Variants in GPR179 observed in about 807,000 individuals in gnomAD.
GPR179 encodes probable G protein-coupled receptor 179.
GPR179 carries 52 observed loss-of-function variants against 70.8 expected under a neutral mutation model. That is an observed-to-expected ratio of 0.73 (90% CI 0.59 to 0.93). The LOEUF (loss-of-function observed/expected upper bound fraction) is 0.93. Ranked by LOEUF, GPR179 falls within the 40% of genes least tolerant of loss-of-function variation. The pLI, the probability that GPR179 is intolerant of heterozygous loss-of-function variation, is 0.00. For synonymous variants in GPR179, 1,123 were observed against 1,169.0 expected, an observed-to-expected ratio of 0.96 and a Z score of 0.80; for missense variants, 2,734 against 2,966.8, an observed-to-expected ratio of 0.92 and a Z score of 1.82.
rs1209837723 is a variant in GPR179, at chr17:38,324,830, C to A, written c.*1635G>T. Among the ~76,000 whole-genome samples the A allele has an allele frequency of 2.0e-5, 3 of 152,182 alleles. No homozygotes were observed. Among genetic ancestry groups the A allele is most frequent in the African/African-American group, 7.2e-5 (3 of 41,440 alleles). Reference sequence around the variant, plus strand: ...TAAGAGAATGAGGACATCTGGTCCCCAAAGGAGAGTAGGTTACTCCATTCC... The same window carrying A: ...TAAGAGAATGAGGACATCTGGTCCCAAAAGGAGAGTAGGTTACTCCATTCC... On this transcript the variant is annotated 3_prime_UTR_variant, in exon 11 of 11. Coordinates refer to ENST00000616987, the MANE Select transcript of GPR179 (RefSeq NM_001004334.4).
Position 38,326,938 on chromosome 17 carries a change from C to G in GPR179, c.6631G>C (p.Ala2211Pro), listed in dbSNP as rs757224017. 6 of 1,614,044 alleles carry G rather than the reference C, an allele frequency of 3.7e-6. No individual in the cohort carries two copies. Among genetic ancestry groups the G allele is most frequent in the Non-Finnish European group, 5.1e-6 (6 of 1,180,048 alleles). The change falls in exon 11 of 11, where the codon GCA (alanine) becomes CCA (proline). Residue 2211 changes from alanine to proline, a missense_variant. Physicochemically the swap from Ala to Pro is conservative, Grantham distance 27. Coordinates refer to ENST00000616987, the MANE Select transcript of GPR179 (RefSeq NM_001004334.4). Reference protein sequence around the residue: ...DPELKVSPKEAGSMGSRMAEL... With the variant: ...DPELKVSPKEPGSMGSRMAEL... ...GCCATCCTGCTTCCCATGCTGCCTG[C>G]TTCCTTGGGGCTGACTTTGAGTTCT...
chr17:38,328,834 T>A lies in GPR179; in HGVS notation c.4735A>T (p.Arg1579Trp), dbSNP rs757675616. ...ATQVCPQEDL[R>W]PEAQEATPAK... ...GGTGTTGCTTCCTGTGCCTCCGGCC[T>A]GAGATCTTCCTGTGGACACACCTGC... Residue 1579 changes from arginine (R) to tryptophan (W), a missense_variant, in exon 11 of 11, where the codon AGG becomes TGG. Physicochemically the swap from Arg to Trp is moderately radical, Grantham distance 101. Coordinates refer to ENST00000616987, the MANE Select transcript of GPR179 (RefSeq NM_001004334.4). The A allele has an allele frequency of 6.2e-7, 1 of 1,611,422 alleles. No homozygotes were observed. The highest frequency in any genetic ancestry group is 1.3e-5 in the African/African-American group (1 of 74,374).
rs2037462023 is a variant in GPR179 at position 38,343,024 on chromosome 17, G to A, written c.766C>T (p.Leu256Phe). The change falls in exon 1 of 11, where the codon CTC becomes TTC. Residue 256 changes from leucine (L) to phenylalanine (F), a missense_variant. Leu to Phe is a conservative substitution (Grantham distance 22). Coordinates refer to ENST00000616987, the MANE Select transcript of GPR179 (RefSeq NM_001004334.4). The surrounding 1 kb of genome is among the most constrained non-coding windows in gnomAD (Gnocchi z 4.2). Reference protein sequence around the residue: ...LITLSATFYGLKPDLSPEVRG... With the variant: ...LITLSATFYGFKPDLSPEVRG... The stretch of plus-strand genomic sequence containing the variant: ...ACTTCTGGGCTGAGGTCTGGCTTGA[G>A]TCCATAGAAGGTGGCAGAGAGTGTG... 1.2e-6 allele frequency: 2 copies of A among 1,611,896 alleles called. No homozygotes were observed. Among genetic ancestry groups the A allele is most frequent in the Non-Finnish European group, 1.7e-6 (2 of 1,178,846 alleles).
chr17:38,337,504 A>C (rs2144273691), intron 3 of GPR179, 129 bp downstream of exon 3: 1 of 827,590 alleles, frequency 1.2e-6, no homozygotes, highest in East Asian at 2.6e-5. Context: ...TGCCTCTCTC[A>C]ACCTTCTGCC....
chr17:38,337,605 A>G, intron 3 of GPR179, 28 bp downstream of exon 3: 1 of 1,585,106 alleles, frequency 6.3e-7, no homozygotes, highest in Non-Finnish European at 8.6e-7. Flanking sequence ...TGTAAAACAC[A>G]TGCCTGGCCC....
In GPR179 at chr17:38,326,117, C is replaced by G. The variant is rs2037283183; in HGVS notation, c.*348G>C. 4.0e-6 allele frequency: 1 copy of G among 249,876 alleles called. No individual in the cohort carries two copies. The highest frequency in any genetic ancestry group is 7.9e-5 in the East Asian group (1 of 12,596). 15.5% of individuals were successfully genotyped at this position (249,876 alleles called of 1,614,324 possible). On this transcript the variant is annotated 3_prime_UTR_variant, in exon 11 of 11. Coordinates refer to ENST00000616987, the MANE Select transcript of GPR179 (RefSeq NM_001004334.4). ...GAGAAGGTAGGCTGGGCACAACTGA[C>G]TTTTTTCATCCCTAACAGTGGCTTT...
In GPR179 at chr17:38,343,203, G is replaced by C; in HGVS notation, c.587C>G (p.Ala196Gly). Residue 196 changes from alanine to glycine, a missense_variant, in exon 1 of 11, where the codon GCC (alanine) becomes GGC (glycine). By Grantham distance (60) the Ala-to-Gly change is moderately conservative (BLOSUM62 0). Coordinates refer to ENST00000616987, the MANE Select transcript of GPR179 (RefSeq NM_001004334.4). This position sits in a 1 kb window ranked among gnomAD's most constrained non-coding sequence, Gnocchi z 4.2. ...ENPPGDLDTP[A>G]LKKRVLTNDL... ...ATTGGTCAACACTCGCTTCTTCAGG[G>C]CAGGGGTGTCCAGGTCCCCAGGAGG... 1 of 1,614,098 alleles carries C rather than the reference G, an allele frequency of 6.2e-7. No individual in the cohort carries two copies. The highest frequency in any genetic ancestry group is 1.1e-5 in the South Asian group (1 of 91,082).
chr17:38,326,584 T>A lies in GPR179; in HGVS notation c.6985A>T (p.Ser2329Cys). Reference sequence around the variant, plus strand: ...GACTGAGACTCAGCTTCCTGGAGACTTGGCTCTGGGGCTAAGCTGGTCCTT... The same window carrying A: ...GACTGAGACTCAGCTTCCTGGAGACATGGCTCTGGGGCTAAGCTGGTCCTT... ...EPRTSLAPEPSLQEAESQSSS... is the reference protein window; with the variant it reads ...EPRTSLAPEPCLQEAESQSSS... The change falls in exon 11 of 11, where the codon AGT (serine) becomes TGT (cysteine). Residue 2329 changes from serine (S) to cysteine (C), a missense_variant. Physicochemically the swap from Ser to Cys is moderately radical, Grantham distance 112. Coordinates refer to ENST00000616987, the MANE Select transcript of GPR179 (RefSeq NM_001004334.4). The A allele has an allele frequency of 6.2e-7, 1 of 1,614,244 alleles. No individual in the cohort carries two copies. The highest frequency in any genetic ancestry group is 8.5e-7 in the Non-Finnish European group (1 of 1,180,038).
intron 2 of GPR179, 57 bp downstream of exon 2, chr17:38,339,360 G>T: frequency 1.8e-6 from 2 of 1,110,726 alleles, no homozygotes; most frequent in South Asian, 1.3e-5. Context: ...TGGCGGTGAT[G>T]GGAAAAGGGG....
Position 38,327,183 on chromosome 17 carries a change from T to G in GPR179, c.6386A>C (p.Glu2129Ala). Residue 2129 changes from glutamate to alanine, a missense_variant, in exon 11 of 11, where the codon GAG becomes GCG. Transcript: ENST00000616987. ...TCCACCCGCCTCCCAAGGGCAGATCTCTGCTTTCTTGGCAGAGGGAGCCTC... is the reference window on the plus strand; with the variant it reads ...TCCACCCGCCTCCCAAGGGCAGATCGCTGCTTTCTTGGCAGAGGGAGCCTC... Reference protein sequence around the residue: ...VVEAPSAKKAEICPWEAGGGA... With the variant: ...VVEAPSAKKAAICPWEAGGGA... 6.2e-7 allele frequency: 1 copy of G among 1,614,250 alleles called. No homozygotes were observed. Among genetic ancestry groups the G allele is most frequent in the Non-Finnish European group, 8.5e-7 (1 of 1,180,052 alleles).
intron 1 of GPR179, among the ~76,000 whole-genome samples, chr17:38,342,334 C>CT (rs10681391): frequency 0.045 from 6,305 of 139,212 alleles, 443 homozygotes; most frequent in African/African-American, 0.15. Flanking sequence ...ACTGACACAT[C>CT]TTTTTTTTTT....
rs368847698 is a variant in GPR179, at chr17:38,330,730, C to G, written c.2839G>C (p.Gly947Arg). The change falls in exon 11 of 11, where the codon GGC (glycine) becomes CGC (arginine). Residue 947 changes from glycine (G) to arginine (R), a missense_variant. Gly to Arg is a moderately radical substitution (Grantham distance 125). Transcript: ENST00000616987. ...VSTPILALSGGLGEPRMLSPT... is the reference protein window; with the variant it reads ...VSTPILALSGRLGEPRMLSPT... ...GATAGCATCCTTGGCTCTCCCAGGC[C>G]CCCAGACAGGGCCAAGATGGGGGTA... 5.0e-6 allele frequency: 8 copies of G among 1,589,194 alleles called. No homozygotes were observed. Among genetic ancestry groups the G allele is most frequent in the Non-Finnish European group, 6.0e-6 (7 of 1,165,326 alleles).
chr17:38,342,906 T>C (rs566388215), intron 1 of GPR179, 90 bp downstream of exon 1: 28 of 1,293,272 alleles, frequency 2.2e-5, no homozygotes, highest in African/African-American at 1.5e-4. Context: ...CACATGTTCG[T>C]GCCAAATGGC....
chr17:38,331,013 G>C lies in GPR179; in HGVS notation c.2556C>G (p.Leu852=), dbSNP rs777488974. The change falls in exon 11 of 11, where the codon CTC becomes CTG. Residue 852 remains leucine (L), a synonymous_variant. Transcript: ENST00000616987. ...SVASSREKAL[L]MASQAYLEET... ...CCTCCAGGTAGGCCTGGCTGGCCATGAGCAAGGCCTTTTCCCTGGAGCTGG... is the reference window on the plus strand; with the variant it reads ...CCTCCAGGTAGGCCTGGCTGGCCATCAGCAAGGCCTTTTCCCTGGAGCTGG... 2 of 1,610,922 alleles carry C rather than the reference G, an allele frequency of 1.2e-6. No homozygotes were observed. Among genetic ancestry groups the C allele is most frequent in the African/African-American group, 2.7e-5 (2 of 74,942 alleles).
At position 38,339,487 on chromosome 17, in the gene GPR179, T is replaced by C; in HGVS notation, c.833A>G (p.Asp278Gly). 6.2e-7 allele frequency: 1 copy of C among 1,614,052 alleles called. No individual in the cohort carries two copies. Among genetic ancestry groups the C allele is most frequent in the Non-Finnish European group, 8.5e-7 (1 of 1,179,952 alleles). ...VQMDVDLQSV[D>G]INQCASGPGW... Reference sequence around the variant, plus strand: ...TGGGCCACTTGCACACTGATTGATGTCCACACTCTGGAGATCTACGTCCAT... The same window carrying C: ...TGGGCCACTTGCACACTGATTGATGCCCACACTCTGGAGATCTACGTCCAT... The change falls in exon 2 of 11, where the codon GAC becomes GGC. Residue 278 changes from aspartate to glycine, a missense_variant. Coordinates refer to ENST00000616987, the MANE Select transcript of GPR179 (RefSeq NM_001004334.4).
rs771906823 is a variant in GPR179, at chr17:38,326,163, G to A, written c.*302C>T. ...GCTTTGTGGGTGAGTGTCCAGACTC[G>A]GGTGGTTTGTGTTGTGAGTACTGTA... On this transcript the variant is annotated 3_prime_UTR_variant, in exon 11 of 11. Transcript: ENST00000616987. The A allele has an allele frequency of 3.9e-5, 13 of 336,906 alleles. No homozygotes were observed. The highest frequency in any genetic ancestry group is 9.4e-5 in the East Asian group (2 of 21,312). 20.9% of individuals were successfully genotyped at this position (336,906 alleles called of 1,614,324 possible).
chr17:38,326,962 C>T lies in GPR179; in HGVS notation c.6607G>A (p.Glu2203Lys), dbSNP rs2037292830. ...GCTTCCTTGGGGCTGACTTTGAGTTCTGGGTCCAGGGCACCTGACTGGGGC... is the reference window on the plus strand; with the variant it reads ...GCTTCCTTGGGGCTGACTTTGAGTTTTGGGTCCAGGGCACCTGACTGGGGC... Reference protein sequence around the residue: ...LLPQSGALDPELKVSPKEAGS... With the variant: ...LLPQSGALDPKLKVSPKEAGS... The change falls in exon 11 of 11, where the codon GAA (glutamate) becomes AAA (lysine). Residue 2203 changes from glutamate to lysine, a missense_variant. By Grantham distance (56) the Glu-to-Lys change is moderately conservative (BLOSUM62 1). Coordinates refer to ENST00000616987, the MANE Select transcript of GPR179 (RefSeq NM_001004334.4). 6.2e-7 allele frequency: 1 copy of T among 1,614,062 alleles called. No homozygotes were observed. The highest frequency in any genetic ancestry group is 1.3e-5 in the African/African-American group (1 of 74,950).
In GPR179 at chr17:38,328,599, C is replaced by G. The variant is rs888812050; in HGVS notation, c.4970G>C (p.Gly1657Ala). The change falls in exon 11 of 11, where the codon GGC (glycine) becomes GCC (alanine). Residue 1657 changes from glycine to alanine, a missense_variant. Coordinates refer to ENST00000616987, the MANE Select transcript of GPR179 (RefSeq NM_001004334.4). ...AGGACGTGGTTGTGGGGAGAAGCTG[C>G]CAGGGTCCACACTCTCCCAGGGGCC... ...AVGPWESVDP[G>A]SFSPQPRPQD... is the part of the protein sequence containing the mutation. 3 of 1,614,008 alleles carry G rather than the reference C, an allele frequency of 1.9e-6. No individual in the cohort carries two copies. In the African/African-American group the frequency reaches 4.0e-5, roughly 22 times the overall value.
chr17:38,337,016 G>A lies in GPR179; in HGVS notation c.1189C>T (p.Leu397=), dbSNP rs753880764. ...CAGCGGTAGGAGACCAGCATGCTCA[G>A]GAAGATGGCCAGCATGCAGCAGGCC... ...CQACCMLAIF[L]SMLVSYRCRR... Residue 397 remains leucine, a synonymous_variant, in exon 4 of 11, where the codon CTG becomes TTG. Coordinates refer to ENST00000616987, the MANE Select transcript of GPR179 (RefSeq NM_001004334.4). 1.9e-6 allele frequency: 3 copies of A among 1,607,348 alleles called. No individual in the cohort carries two copies. The highest frequency in any genetic ancestry group is 2.5e-6 in the Non-Finnish European group (3 of 1,177,912).
Sources: allele counts gnomAD v4.1 joint callset (sites outside exome capture counted in the v4.1 genomes callset), GRCh38; gene constraint gnomAD v4.1.1; non-coding constraint Gnocchi (gnomAD v3.1); transcripts MANE v1.5; gene names NCBI Gene and HGNC (gene_info 2026-07-23, HGNC 2026-07-21).